Variants in XIRP2 observed in about 807,000 individuals in gnomAD.
XIRP2 encodes the protein xin actin binding repeat containing 2.
Under a neutral mutation model 277.0 loss-of-function variants are expected in XIRP2, and 236 were observed. That is an observed-to-expected ratio of 0.85 (90% CI 0.77 to 0.95). The LOEUF is 0.95. XIRP2 is among the 40% of genes least tolerant of loss of function. The pLI is 0.00. For missense variants in XIRP2, 4,640 were observed against 4,157.5 expected (o/e 1.12, Z -3.19); for synonymous variants, 1,490 against 1,416.5 (o/e 1.05, Z -1.17).
intron 2 of XIRP2, among the ~76,000 whole-genome samples, chr2:166,924,057 C>A (rs1033263576): frequency 6.6e-6 from 1 of 151,970 alleles, no homozygotes; most frequent in Non-Finnish European, 1.5e-5. Flanking sequence ...AAGCTGGACA[C>A]TAATTAAGGA....
intron 3 of XIRP2, among the ~76,000 whole-genome samples, chr2:167,155,610 G>T (rs1209739038): frequency 8.6e-5 from 13 of 151,982 alleles, no homozygotes; most frequent in Non-Finnish European, 1.3e-4. Flanking sequence ...AATAATAAGA[G>T]CTATCTATGA....
chr2:167,136,938 G>A (rs1691570317), intron 3 of XIRP2, among the ~76,000 whole-genome samples: 2 of 152,300 alleles, frequency 1.3e-5, no homozygotes, highest in South Asian at 2.1e-4. Flanking sequence ...CTTTGTTATT[G>A]AAAGTGCTGT....
intron 2 of XIRP2, among the ~76,000 whole-genome samples, chr2:166,987,657 A>C (rs555353284): frequency 6.6e-6 from 1 of 152,144 alleles, no homozygotes; most frequent in Non-Finnish European, 1.5e-5. Flanking sequence ...GTTCTCTAAA[A>C]CTCATTTTTC....
intron 2 of XIRP2, among the ~76,000 whole-genome samples, chr2:167,086,302 T>G (rs959938800): frequency 2.0e-5 from 3 of 152,202 alleles, no homozygotes; most frequent in African/African-American, 7.2e-5. Flanking sequence ...GGGTTTCTGC[T>G]GAGAGATCCG....
rs58517509 is a variant in XIRP2, at chr2:166,913,310, A to ACCC, written c.408+9430_408+9432dup. Among the ~76,000 whole-genome samples the ACCC allele has an allele frequency of 1.5e-3, 170 of 114,884 alleles. 1 individual carries two copies. Among genetic ancestry groups the ACCC allele is most frequent in the East Asian group, 2.8e-3 (8 of 2,838 alleles). The allele number at this position is 114,884 out of a possible 152,430, so 75.4% of individuals were successfully genotyped here. ...TACTTAAGCCTCAGCAATGGTGGGC[A>ACCC]CCCCCCCCCCCCAGCCTCGCTGCTG... On this transcript the variant is annotated intron_variant, in intron 2 of 10. Coordinates refer to ENST00000409195, the MANE Select transcript of XIRP2 (RefSeq NM_152381.6).
chr2:167,179,413 C>T (rs1249141680), intron 3 of XIRP2, among the ~76,000 whole-genome samples: 2 of 151,078 alleles, frequency 1.3e-5, no homozygotes, highest in Non-Finnish European at 2.9e-5. Context: ...CTCCACCTCC[C>T]GGGTTCAAGC....
chr2:167,128,242 A>G (rs142693686), intron 2 of XIRP2, among the ~76,000 whole-genome samples: 1 of 152,168 alleles, frequency 6.6e-6, no homozygotes, highest in Non-Finnish European at 1.5e-5. Context: ...GGCTTTTTCT[A>G]TCTCTCAATT....
At chr2:167,063,945 AT>A (rs1689235937) in intron 2 of XIRP2, among the ~76,000 whole-genome samples, 3 of 151,392 alleles carry the variant, frequency 2.0e-5, no homozygotes, top group Admixed American at 2.0e-4. Flanking sequence ...TTAGTATAAT[AT>A]CTACATTTAG....
chr2:166,966,154 A>C (rs1196389374), intron 2 of XIRP2, among the ~76,000 whole-genome samples: 1 of 151,888 alleles, frequency 6.6e-6, no homozygotes. Context: ...AAAAACAAAA[A>C]TTTAGGCTGA....
At position 167,250,873 on chromosome 2, in the gene XIRP2, C is replaced by CA; in HGVS notation, c.9486dup (p.Ser3163IlefsTer2). On this transcript the variant is annotated frameshift_variant, in exon 9 of 11. Coordinates refer to ENST00000409195, the MANE Select transcript of XIRP2 (RefSeq NM_152381.6). LOFTEE classifies it high-confidence loss of function. ...ACCCCCACCAAGAAGGCCCATGTCGCAAAAATCTGAAATTCACAGAGCAAA... is the reference window on the plus strand; with the variant it reads ...ACCCCCACCAAGAAGGCCCATGTCGCAAAAAATCTGAAATTCACAGAGCAAA... The CA allele has an allele frequency of 6.2e-7, 1 of 1,613,014 alleles. No individual in the cohort carries two copies. The highest frequency in any genetic ancestry group is 2.2e-5 in the East Asian group (1 of 44,788).
At chr2:167,040,047 T>G (rs1375580029) in intron 2 of XIRP2, among the ~76,000 whole-genome samples, 2 of 152,278 alleles carry the variant, frequency 1.3e-5, no homozygotes, top group South Asian at 2.1e-4. Flanking sequence ...GATTGCTATG[T>G]ATTGCAACAA....
At chr2:167,120,546 C>T (rs778629519) in intron 2 of XIRP2, among the ~76,000 whole-genome samples, 10 of 152,012 alleles carry the variant, frequency 6.6e-5, no homozygotes, top group Non-Finnish European at 1.3e-4. Context: ...TCATTACCTC[C>T]TATCTGTGGT....
chr2:167,094,979 C>G (rs1690257347), intron 2 of XIRP2, among the ~76,000 whole-genome samples: 1 of 152,032 alleles, frequency 6.6e-6, no homozygotes. Context: ...TGTTTCTGTC[C>G]TCTCTTATTT....
intron 2 of XIRP2, among the ~76,000 whole-genome samples, chr2:166,907,157 A>G (rs1172058325): frequency 2.6e-5 from 4 of 152,208 alleles, no homozygotes; most frequent in Non-Finnish European, 4.4e-5. Context: ...GAAGATTTAA[A>G]CTGAATATTT....
At chr2:167,063,625 A>G (rs1027095092) in intron 2 of XIRP2, among the ~76,000 whole-genome samples, 3 of 151,896 alleles carry the variant, frequency 2.0e-5, no homozygotes, top group South Asian at 4.1e-4. Flanking sequence ...GTATATACAC[A>G]TTTAAGATCA....
chr2:167,039,980 C>G (rs1263367895), intron 2 of XIRP2, among the ~76,000 whole-genome samples: 1 of 151,896 alleles, frequency 6.6e-6, no homozygotes, highest in Non-Finnish European at 1.5e-5. Flanking sequence ...ATGTCAGAAA[C>G]AATTATCTAT....
rs945305791 is a variant in XIRP2, at chr2:167,113,432, G to A, written c.409-22477G>A. Among the ~76,000 whole-genome samples, 6 of 152,036 alleles carry A rather than the reference G, an allele frequency of 3.9e-5. 1 individual carries two copies. The highest frequency in any genetic ancestry group is 3.9e-4 in the Admixed American group (6 of 15,236). ...AATTTATCTTTCTTGATCTCTGTTG[G>A]TTCAATCTGGTTTTTCTGAAATTAG... is the stretch of plus-strand genomic sequence containing the variant. On this transcript the variant is annotated intron_variant, in intron 2 of 10. Coordinates refer to ENST00000409195, the MANE Select transcript of XIRP2 (RefSeq NM_152381.6).
intron 2 of XIRP2, among the ~76,000 whole-genome samples, chr2:166,975,988 C>T (rs1686708360): frequency 6.9e-6 from 1 of 144,040 alleles, no homozygotes; most frequent in Non-Finnish European, 1.5e-5. Flanking sequence ...ATACCCATAT[C>T]CATGCATTTT....
chr2:167,171,216 T>C (rs1345702637), intron 3 of XIRP2, among the ~76,000 whole-genome samples: 1 of 152,176 alleles, frequency 6.6e-6, no homozygotes, highest in Non-Finnish European at 1.5e-5. Context: ...TTTTAATAGA[T>C]GCATTTAGCG....
Sources: gnomAD v4.1 joint callset for allele counts (sites outside exome capture counted in the v4.1 genomes callset) on GRCh38, gnomAD v4.1.1 for gene constraint, MANE v1.5 for transcripts, NCBI Gene and HGNC (gene_info 2026-07-23, HGNC 2026-07-21) for gene names.